Variants in ADHFE1 observed in about 807,000 individuals in gnomAD.
The protein encoded by ADHFE1 is alcohol dehydrogenase iron containing 1, also known as hydroxyacid-oxoacid transhydrogenase, mitochondrial.
ADHFE1 carries 37 observed loss-of-function variants against 54.8 expected under a neutral mutation model. The ratio of observed to expected loss-of-function variants is 0.68; its 90% CI spans 0.52 to 0.89. The LOEUF is 0.89. ADHFE1 is among the 40% of genes least tolerant of loss of function. The probability of loss-of-function intolerance (pLI) is 0.00; values close to 1 mark genes in which losing one functional copy is unlikely to be tolerated. For synonymous variants in ADHFE1, 203 were observed against 229.3 expected (o/e 0.89, Z 1.04); for missense variants, 601 against 591.2 (o/e 1.02, Z -0.17).
rs539857646 is a variant in ADHFE1, at chr8:66,455,303, T to A, written c.986+1146T>A. Among the ~76,000 whole-genome samples, 262 of 152,350 alleles carry A rather than the reference T, an allele frequency of 1.7e-3. 2 individuals are homozygous for A. Among genetic ancestry groups the A allele is most frequent in the African/African-American group, 5.9e-3 (244 of 41,582 alleles). On this transcript the variant is annotated intron_variant, in intron 10 of 13. Coordinates refer to ENST00000396623, the MANE Select transcript of ADHFE1 (RefSeq NM_144650.3). ...TACTCACCATGTGTTGTGGATTTTT[T>A]AAACTTAAATGTAGGATTTTTCCCC...
At chr8:66,458,814 T>C (rs1806732988) in intron 12 of ADHFE1, among the ~76,000 whole-genome samples, 1 of 152,220 alleles carries the variant, frequency 6.6e-6, no homozygotes, top group African/African-American at 2.4e-5. Context: ...TACCATCTCT[T>C]TTTTTTCTGT....
At chr8:66,447,598 A>G (rs1397901467) in intron 7 of ADHFE1, among the ~76,000 whole-genome samples, 1 of 152,332 alleles carries the variant, frequency 6.6e-6, no homozygotes, top group East Asian at 1.9e-4. Context: ...CACACTTTCT[A>G]TGTATGTAAC....
Position 66,468,697 on chromosome 8 carries a change from ATTCAC to A in ADHFE1, c.*350_*354del, listed in dbSNP as rs1807315685. The A allele has an allele frequency of 6.4e-6, 1 of 156,370 alleles. No individual in the cohort carries two copies. The highest frequency in any genetic ancestry group is 2.4e-5 in the African/African-American group (1 of 41,520). The allele number at this position is 156,370 out of a possible 1,614,324, so 9.7% of individuals were successfully genotyped here. Reference sequence around the variant, plus strand: ...TAAATTATATTTCCTATGCCTAGTAATTCACTTCATGTCTAAAAATTTATCTGATA... The same window carrying A: ...TAAATTATATTTCCTATGCCTAGTAATTCATGTCTAAAAATTTATCTGATA... On this transcript the variant is annotated 3_prime_UTR_variant, in exon 14 of 14. Transcript: ENST00000396623.
intron 2 of ADHFE1, among the ~76,000 whole-genome samples, chr8:66,442,004 A>G (rs559875292): frequency 6.6e-6 from 1 of 152,292 alleles, no homozygotes; most frequent in Non-Finnish European, 1.5e-5. Flanking sequence ...AATTTCACCA[A>G]GATAAATAAG....
intron 8 of ADHFE1, among the ~76,000 whole-genome samples, 194 bp downstream of exon 8, chr8:66,449,164 C>G (rs1353005695): frequency 6.6e-6 from 1 of 152,194 alleles, no homozygotes; most frequent in Non-Finnish European, 1.5e-5. Context: ...CTGGTGTGGG[C>G]CACAAACCTG....
intron 1 of ADHFE1, 43 bp downstream of exon 1, chr8:66,432,618 C>T (rs1805256497): frequency 7.8e-7 from 1 of 1,282,212 alleles, no homozygotes; most frequent in Non-Finnish European, 9.9e-7. Context: ...CGCAGGGTGC[C>T]CACGCAGCCC....
chr8:66,452,182 G>A (rs530258454), intron 9 of ADHFE1, 77 bp downstream of exon 9: 1 of 1,547,276 alleles, frequency 6.5e-7, no homozygotes, highest in South Asian at 1.2e-5. Flanking sequence ...ACATGCCTGA[G>A]CCTGAAATAT....
intron 9 of ADHFE1, 71 bp downstream of exon 9, chr8:66,452,176 G>A (rs2130428893): frequency 6.4e-7 from 1 of 1,557,550 alleles, no homozygotes; most frequent in East Asian, 2.3e-5. Flanking sequence ...AACATGACAT[G>A]CCTGAGCCTG....
intron 1 of ADHFE1, among the ~76,000 whole-genome samples, chr8:66,435,555 A>G (rs1382527731): frequency 6.8e-6 from 1 of 147,122 alleles, no homozygotes; most frequent in East Asian, 2.0e-4. Flanking sequence ...GAGTGATTGC[A>G]TTTAGGGCCC....
chr8:66,447,351 A>G lies in ADHFE1; in HGVS notation c.628+10A>G. The G allele has an allele frequency of 6.3e-7, 1 of 1,594,994 alleles. No homozygotes were observed. Among genetic ancestry groups the G allele is most frequent in the South Asian group, 1.1e-5 (1 of 90,220 alleles). Reference sequence around the variant, plus strand: ...TTGAAAGTAAAAATTGGTAAGAACCATACTTTTGAATTATCTCCCTTACCT... The same window carrying G: ...TTGAAAGTAAAAATTGGTAAGAACCGTACTTTTGAATTATCTCCCTTACCT... On this transcript the variant is annotated intron_variant, in intron 7 of 13. Transcript: ENST00000396623.
In ADHFE1 at chr8:66,452,047, C is replaced by G; in HGVS notation, c.829C>G (p.Pro277Ala). The change falls in exon 9 of 14, where the codon CCA (proline) becomes GCA (alanine). Residue 277 changes from proline to alanine, a missense_variant. Physicochemically the swap from Pro to Ala is conservative, Grantham distance 27. Coordinates refer to ENST00000396623, the MANE Select transcript of ADHFE1 (RefSeq NM_144650.3). Reference protein sequence around the residue: ...ITRPAYQGSNPISDIWAIHAL... With the variant: ...ITRPAYQGSNAISDIWAIHAL... The stretch of plus-strand genomic sequence containing the variant: ...ACGGCCTGCGTACCAGGGCAGCAAC[C>G]CAATCAGTGACATTTGGGCTATCCA... 1 of 1,614,196 alleles carries G rather than the reference C, an allele frequency of 6.2e-7. No homozygotes were observed. Among genetic ancestry groups the G allele is most frequent in the Non-Finnish European group, 8.5e-7 (1 of 1,180,030 alleles).
chr8:66,450,866 C>A (rs1455475663), intron 8 of ADHFE1, among the ~76,000 whole-genome samples: 1 of 152,242 alleles, frequency 6.6e-6, no homozygotes, highest in Non-Finnish European at 1.5e-5. Flanking sequence ...TATCCATCTA[C>A]AAACTAATTT....
intron 1 of ADHFE1, among the ~76,000 whole-genome samples, chr8:66,435,984 C>T (rs542261834): frequency 1.4e-4 from 20 of 143,388 alleles, no homozygotes; most frequent in Non-Finnish European, 2.4e-4. Flanking sequence ...GGTGTGATCT[C>T]GGCTCACTGC....
rs1805622326 is a variant in ADHFE1 at position 66,439,219 on chromosome 8, G to C, written c.60-943G>C. 2.0e-6 allele frequency: 2 copies of C among 985,432 alleles called. No homozygotes were observed. The highest frequency in any genetic ancestry group is 2.4e-6 in the Non-Finnish European group (2 of 829,966). The allele number at this position is 985,432 out of a possible 1,614,324, so 61.0% of individuals were successfully genotyped here. On this transcript the variant is annotated intron_variant, in intron 1 of 13. Coordinates refer to ENST00000396623, the MANE Select transcript of ADHFE1 (RefSeq NM_144650.3). This position sits in a 1 kb window ranked among gnomAD's most constrained non-coding sequence, Gnocchi z 4.4. The stretch of plus-strand genomic sequence containing the variant: ...TCCTTCCTCCCCAACCTTCCCCCTC[G>C]GGTGTTTTAATTCCAGATTTGAATT...
chr8:66,445,111 CA>C, intron 5 of ADHFE1, 106 bp from the exon 6 acceptor site: 2 of 1,117,436 alleles, frequency 1.8e-6, no homozygotes, highest in South Asian at 3.4e-5. Context: ...AAAAAAAAAA[CA>C]AAAACAAAAA....
At chr8:66,432,795 C>T in intron 1 of ADHFE1, 4 of 1,228,540 alleles carry the variant, frequency 3.3e-6, no homozygotes, top group South Asian at 4.2e-5. Context: ...CTTTACTCTG[C>T]TTGTCTACCG....
chr8:66,457,282 C>A, intron 12 of ADHFE1, 116 bp downstream of exon 12: 3 of 839,302 alleles, frequency 3.6e-6, no homozygotes, highest in Non-Finnish European at 3.6e-6. Flanking sequence ...AGTTCAAGAC[C>A]AGCCTGGGCA....
In ADHFE1 at chr8:66,462,720, G is replaced by A. The variant is rs190206968; in HGVS notation, c.1320+2255G>A. Among the ~76,000 whole-genome samples the A allele has an allele frequency of 2.6e-5, 4 of 152,350 alleles. No individual in the cohort carries two copies. In the East Asian group the frequency reaches 7.7e-4, roughly 29 times the overall value. On this transcript the variant is annotated intron_variant, in intron 13 of 13. Transcript: ENST00000396623. ...GTATCCATGATTTTCAGATGAAACT[G>A]TCTGATACCCTTGGCGATTTGATTG...
At chr8:66,454,906 CG>C (rs1361202686) in intron 10 of ADHFE1, among the ~76,000 whole-genome samples, 1 of 151,854 alleles carries the variant, frequency 6.6e-6, no homozygotes, top group Admixed American at 6.6e-5. Context: ...TAAGTAGAGA[CG>C]GGGTTTCACC....
Sources: allele counts gnomAD v4.1 joint callset (sites outside exome capture counted in the v4.1 genomes callset), GRCh38; gene constraint gnomAD v4.1.1; non-coding constraint Gnocchi (gnomAD v3.1); transcripts MANE v1.5; gene names NCBI Gene and HGNC (gene_info 2026-07-23, HGNC 2026-07-21).